Variants in PLEKHH1 observed in about 807,000 individuals in gnomAD.
PLEKHH1 encodes pleckstrin homology, MyTH4 and FERM domain containing H1, also known as pleckstrin homology domain-containing family H member 1.
Under a neutral mutation model 160.0 loss-of-function variants are expected in PLEKHH1, and 104 were observed. The observed-to-expected ratio is 0.65, with a 90% CI of 0.55 to 0.76. The LOEUF is 0.76. Among genes scored for constraint, PLEKHH1 ranks in the 30% least tolerant of loss-of-function variants. PLEKHH1 has a pLI of 0.00. For synonymous variants in PLEKHH1, 619 were observed against 678.4 expected (o/e 0.91, Z 1.36); for missense variants, 1,427 against 1,724.1 (o/e 0.83, Z 3.05).
chr14:67,556,956 C>T (rs2034619781), intron 3 of PLEKHH1, among the ~76,000 whole-genome samples: 1 of 152,178 alleles, frequency 6.6e-6, no homozygotes. Flanking sequence ...ACTCATTCCT[C>T]CTGGGATCCA....
intron 1 of PLEKHH1, among the ~76,000 whole-genome samples, chr14:67,540,573 C>T (rs769531223): frequency 1.4e-4 from 21 of 150,960 alleles, no homozygotes; most frequent in Admixed American, 2.0e-4. Flanking sequence ...TTGTAGTGAG[C>T]CAAAATTGCA....
intron 26 of PLEKHH1, chr14:67,584,993 T>C (rs2036082064): frequency 1.3e-5 from 2 of 152,254 alleles, no homozygotes; most frequent in African/African-American, 4.8e-5. Flanking sequence ...AAGAGAGAGA[T>C]TTTCTGGATT....
At chr14:67,551,414 A>G (rs1409250845) in intron 2 of PLEKHH1, among the ~76,000 whole-genome samples, 2 of 152,210 alleles carry the variant, frequency 1.3e-5, no homozygotes, top group Non-Finnish European at 1.5e-5. Context: ...TACATGGGGC[A>G]GCTTGTGGAA....
At chr14:67,581,344 G>A (rs765627568) in intron 23 of PLEKHH1, among the ~76,000 whole-genome samples, 88 of 151,980 alleles carry the variant, frequency 5.8e-4, no homozygotes, top group Admixed American at 1.3e-3. Flanking sequence ...GGGCAACATG[G>A]CAAAACCCCA....
chr14:67,545,521 C>T (rs1364859065), intron 2 of PLEKHH1, among the ~76,000 whole-genome samples: 25 of 151,860 alleles, frequency 1.6e-4, no homozygotes, highest in Non-Finnish European at 3.4e-4. Context: ...CAGATAGGGA[C>T]AAGAAAATAA....
chr14:67,542,269 G>A (rs2033999405), intron 2 of PLEKHH1, among the ~76,000 whole-genome samples: 3 of 152,196 alleles, frequency 2.0e-5, no homozygotes, highest in Non-Finnish European at 4.4e-5. Flanking sequence ...TGGCTGCAGC[G>A]GAGAGGTTCT....
intron 28 of PLEKHH1, chr14:67,586,404 T>C: frequency 7.4e-7 from 1 of 1,347,750 alleles, no homozygotes; most frequent in Non-Finnish European, 9.7e-7. Flanking sequence ...GGTGCTTACG[T>C]GCTCTTCTCT....
At chr14:67,572,039 C>T (rs954862846) in intron 10 of PLEKHH1, 96 bp from the exon 11 acceptor site, 134 of 1,487,456 alleles carry the variant, frequency 9.0e-5, no homozygotes, top group Admixed American at 2.7e-4. Context: ...CCCCAGAGAC[C>T]GGGTCCCGGG....
intron 2 of PLEKHH1, among the ~76,000 whole-genome samples, chr14:67,553,475 C>A (rs374714901): frequency 1.3e-5 from 2 of 152,176 alleles, no homozygotes; most frequent in African/African-American, 4.8e-5. Flanking sequence ...AACTATCCAG[C>A]AATCATGACT....
chr14:67,541,956 T>C lies in PLEKHH1; in HGVS notation c.89T>C (p.Leu30Pro), dbSNP rs561590054. ...TLETQLFRFR[L>P]QASKIRELLA... ...GAAACTCAGCTTTTCCGGTTCCGCC[T>C]ACAGGCCAGCAAGATAAGGGAGCTG... Residue 30 changes from leucine (L) to proline (P), a missense_variant, in exon 2 of 29, where the codon CTA becomes CCA. Leu to Pro is a moderately conservative substitution (Grantham distance 98). Transcript: ENST00000329153. 2.0e-5 allele frequency: 32 copies of C among 1,607,960 alleles called. 1 individual carries two copies. The South Asian group carries it at 2.8e-4, about 14-fold the overall frequency.
chr14:67,561,774 G>T (rs1478129572), intron 5 of PLEKHH1, among the ~76,000 whole-genome samples, 180 bp from the exon 6 acceptor site: 7 of 151,846 alleles, frequency 4.6e-5, no homozygotes, highest in Non-Finnish European at 1.0e-4. Context: ...GGAGGCTGAG[G>T]TGGGAGGATC....
chr14:67,559,809 C>T, intron 5 of PLEKHH1, 118 bp downstream of exon 5: 1 of 676,312 alleles, frequency 1.5e-6, no homozygotes, highest in Non-Finnish European at 2.7e-6. Flanking sequence ...TTCTGTCCAG[C>T]ACTTGTTTTG....
intron 7 of PLEKHH1, among the ~76,000 whole-genome samples, chr14:67,565,338 G>T (rs2035037224): frequency 6.6e-6 from 1 of 152,136 alleles, no homozygotes; most frequent in South Asian, 2.1e-4. Flanking sequence ...TGTACTCCTG[G>T]ACTCAAGGGA....
chr14:67,587,232 G>A lies in PLEKHH1; in HGVS notation c.4092G>A (p.Leu1364=), dbSNP rs1372951767. 6.2e-7 allele frequency: 1 copy of A among 1,613,650 alleles called. No homozygotes were observed. Among genetic ancestry groups the A allele is most frequent in the Non-Finnish European group, 8.5e-7 (1 of 1,179,714 alleles). ...GTGCTACCAAGGGGCCAACGTTGCT[G>A]TGAATATTTCTCCTACCCGATTCCC... The part of the protein sequence containing the change: ...VSCATKGPTL[L] Residue 1364 remains leucine, a synonymous_variant, in exon 29 of 29, where the codon CTG becomes CTA. Coordinates refer to ENST00000329153, the MANE Select transcript of PLEKHH1 (RefSeq NM_020715.3).
chr14:67,551,334 G>T (rs906016317), intron 2 of PLEKHH1, among the ~76,000 whole-genome samples: 1 of 152,154 alleles, frequency 6.6e-6, no homozygotes, highest in Non-Finnish European at 1.5e-5. Flanking sequence ...TGCCATCTTT[G>T]TATAGGACAA....
At chr14:67,540,648 C>A (rs1190441087) in intron 1 of PLEKHH1, among the ~76,000 whole-genome samples, 1 of 151,718 alleles carries the variant, frequency 6.6e-6, no homozygotes, top group Non-Finnish European at 1.5e-5. Context: ...AAAATTATCA[C>A]CCTAAAAAAT....
rs547144557 is a variant in PLEKHH1 at position 67,565,100 on chromosome 14, C to T, written c.1263+2206C>T. The stretch of plus-strand genomic sequence containing the variant: ...AATGGCATGTGGGTATTAAGGGCTT[C>T]GCACGGAGCCTGTGGGAAGGGCTCC... On this transcript the variant is annotated intron_variant, in intron 7 of 28. Coordinates refer to ENST00000329153, the MANE Select transcript of PLEKHH1 (RefSeq NM_020715.3). 9.9e-5 allele frequency among the ~76,000 whole-genome samples: 15 copies of T among 152,266 alleles called. No individual in the cohort carries two copies. In the South Asian group the frequency reaches 1.5e-3, roughly 15 times the overall value.
rs1473475803 is a variant in PLEKHH1, at chr14:67,589,119, A to T, written c.*1884A>T. The T allele has an allele frequency of 6.5e-6, 1 of 154,030 alleles. No individual in the cohort carries two copies. The highest frequency in any genetic ancestry group is 1.4e-5 in the Non-Finnish European group (1 of 69,436). The allele number at this position is 154,030 out of a possible 1,614,324, so 9.5% of individuals were successfully genotyped here. A position where few individuals can be genotyped will look rare whatever the true frequency, so the allele number is the denominator to read the frequency against. ...TATCTTGGGTATCTCTAAGGCCAAT[A>T]AGGATAACATTATCTACCCAGAGAG... On this transcript the variant is annotated 3_prime_UTR_variant, in exon 29 of 29. Transcript: ENST00000329153.
intron 8 of PLEKHH1, 117 bp from the exon 9 acceptor site, chr14:67,569,804 G>A: frequency 1.4e-6 from 1 of 705,350 alleles, no homozygotes; most frequent in South Asian, 1.6e-5. Context: ...CCCCCCTCTT[G>A]AGATCTGTCA....
Sources: gnomAD v4.1 joint callset for allele counts (sites outside exome capture counted in the v4.1 genomes callset) on GRCh38, gnomAD v4.1.1 for gene constraint, MANE v1.5 for transcripts, NCBI Gene and HGNC (gene_info 2026-07-23, HGNC 2026-07-21) for gene names.